The following CCDC171 variants were observed in gnomAD, a reference collection of about 807,000 sequenced individuals.
The protein encoded by CCDC171 is coiled-coil domain-containing protein 171.
In CCDC171, 177 loss-of-function variants were observed where a neutral mutation model predicts 168.2. The ratio of observed to expected loss-of-function variants is 1.05; its 90% CI spans 0.93 to 1.19. CCDC171 has a LOEUF of 1.19. CCDC171 is among the 50% of genes most tolerant of loss of function. The probability of loss-of-function intolerance (pLI) is 0.00; values close to 1 mark genes in which losing one functional copy is unlikely to be tolerated. For missense variants in CCDC171, 1,991 were observed against 1,539.0 expected (o/e 1.29, Z -4.91); for synonymous variants, 687 against 540.8 (o/e 1.27, Z -3.75).
intron 7 of CCDC171, among the ~76,000 whole-genome samples, chr9:15,631,410 T>G (rs2045682881): frequency 6.6e-6 from 1 of 152,132 alleles, no homozygotes; most frequent in Admixed American, 6.5e-5. Context: ...GCAAATAAAC[T>G]AGAAAATCTT....
At chr9:16,099,942 A>T in the CCDC171 span, among the ~76,000 whole-genome samples, 3 of 152,102 alleles carry the variant, frequency 2.0e-5, no homozygotes, top group African/African-American at 7.2e-5. Context: ...GAAAAAGGCC[A>T]GTCTATGACA....
At chr9:15,981,074 G>A (rs535146385) in intron 3 of CCDC171, among the ~76,000 whole-genome samples, 10 of 152,180 alleles carry the variant, frequency 6.6e-5, no homozygotes, top group Middle Eastern at 3.4e-3. Flanking sequence ...TTACTGTCAC[G>A]AGAAAAGCCA....
chr9:15,753,501 A>G (rs2055897742), intron 18 of CCDC171, among the ~76,000 whole-genome samples: 1 of 152,144 alleles, frequency 6.6e-6, no homozygotes, highest in South Asian at 2.1e-4. Context: ...GTTTTATAAA[A>G]CTAGGCAGTA....
intron 24 of CCDC171, among the ~76,000 whole-genome samples, chr9:15,881,942 C>G (rs930025108): frequency 1.3e-4 from 20 of 152,090 alleles, no homozygotes; most frequent in African/African-American, 4.8e-4. Flanking sequence ...GTATTTCTTT[C>G]TTTTGTACAC....
intron 21 of CCDC171, among the ~76,000 whole-genome samples, chr9:15,836,434 C>T (rs952123580): frequency 5.9e-5 from 9 of 152,142 alleles, no homozygotes; most frequent in African/African-American, 1.2e-4. Flanking sequence ...GGCGCCATCT[C>T]GGCTTACTGC....
At chr9:16,000,942 G>A (rs1404678659) in intron 3 of CCDC171, among the ~76,000 whole-genome samples, 2 of 152,102 alleles carry the variant, frequency 1.3e-5, no homozygotes, top group Non-Finnish European at 2.9e-5. Context: ...GGGAAGGGAG[G>A]ATCATCAGAG....
chr9:15,601,936 C>G (rs565477478), intron 6 of CCDC171, among the ~76,000 whole-genome samples: 19 of 152,224 alleles, frequency 1.2e-4, no homozygotes, highest in South Asian at 1.2e-3. Flanking sequence ...TCCTGTAAAT[C>G]CTAAATGAAA....
chr9:15,914,657 G>A (rs1824230666), intron 24 of CCDC171, among the ~76,000 whole-genome samples: 1 of 150,462 alleles, frequency 6.6e-6, no homozygotes, highest in South Asian at 2.1e-4. Context: ...GGAGTGAACA[G>A]TTCTGTCTTG....
intron 2 of CCDC171, among the ~76,000 whole-genome samples, chr9:15,567,818 C>T (rs886571591): frequency 1.3e-5 from 2 of 151,668 alleles, no homozygotes; most frequent in African/African-American, 4.8e-5. Flanking sequence ...CATGGCTGGC[C>T]AATTTTTTTT....
At chr9:15,904,428 C>A (rs1822203500) in intron 24 of CCDC171, among the ~76,000 whole-genome samples, 1 of 152,020 alleles carries the variant, frequency 6.6e-6, no homozygotes, top group South Asian at 2.1e-4. Flanking sequence ...AACTAAGCTT[C>A]ATAAGTGAAG....
intron 1 of CCDC171, among the ~76,000 whole-genome samples, chr9:15,559,978 C>T (rs537278047): frequency 8.5e-5 from 13 of 152,158 alleles, no homozygotes; most frequent in Non-Finnish European, 1.8e-4. Context: ...TTTTATTTCT[C>T]CTTCACTTAT....
intron 1 of CCDC171, among the ~76,000 whole-genome samples, chr9:16,051,157 A>G (rs185292624): frequency 2.0e-5 from 3 of 152,292 alleles, no homozygotes; most frequent in East Asian, 3.8e-4. Context: ...AATTTATAAA[A>G]TTATTGTTTT....
chr9:15,590,847 CTTTCTTT>C (rs2041958960), intron 4 of CCDC171, among the ~76,000 whole-genome samples: 1 of 111,894 alleles, frequency 8.9e-6, no homozygotes, highest in African/African-American at 3.3e-5. Flanking sequence ...TTCTTTCTTT[CTTTCTTT>C]TTTCTTTCTT....
intron 25 of CCDC171, among the ~76,000 whole-genome samples, chr9:15,959,145 A>T (rs911470221): frequency 2.6e-5 from 4 of 152,150 alleles, no homozygotes; most frequent in African/African-American, 9.7e-5. Context: ...GCCAATAGCT[A>T]TAATTTGCCA....
At chr9:15,917,609 A>G (rs1485510155) in intron 24 of CCDC171, among the ~76,000 whole-genome samples, 1 of 151,764 alleles carries the variant, frequency 6.6e-6, no homozygotes, top group African/African-American at 2.4e-5. Flanking sequence ...TTCTCAAAAA[A>G]TTTATTTTTA....
At chr9:15,699,766 C>G (rs1258278598) in intron 11 of CCDC171, among the ~76,000 whole-genome samples, 1 of 152,050 alleles carries the variant, frequency 6.6e-6, no homozygotes, top group Non-Finnish European at 1.5e-5. Flanking sequence ...AATCCCTGAG[C>G]TAGACATAAA....
chr9:15,647,598 A>G (rs1388360839), intron 7 of CCDC171, among the ~76,000 whole-genome samples: 3 of 152,218 alleles, frequency 2.0e-5, no homozygotes, highest in Non-Finnish European at 4.4e-5. Context: ...AGAGACTACC[A>G]TCAGAGAATA....
intron 8 of CCDC171, among the ~76,000 whole-genome samples, chr9:15,661,708 T>C (rs1318827840): frequency 3.3e-5 from 5 of 152,242 alleles, no homozygotes; most frequent in African/African-American, 9.6e-5. Context: ...GGCATAAAAA[T>C]GAGAAAGCAG....
downstream of CCDC171, among the ~76,000 whole-genome samples, chr9:16,063,319 G>A (rs1833956797): frequency 6.6e-6 from 1 of 152,120 alleles, no homozygotes; most frequent in Non-Finnish European, 1.5e-5. Context: ...GGGCAGGTGG[G>A]GACAGGCTTG....
Sources: allele counts gnomAD v4.1 joint callset (sites outside exome capture counted in the v4.1 genomes callset), GRCh38; gene constraint gnomAD v4.1.1; transcripts MANE v1.5; gene names NCBI Gene and HGNC (gene_info 2026-07-23, HGNC 2026-07-21).